The following VPS26B variants were observed in gnomAD, a reference collection of about 807,000 sequenced individuals.
VPS26B encodes VPS26 retromer complex component B, also known as vacuolar protein sorting-associated protein 26B.
A neutral mutation model predicts 33.3 loss-of-function variants in VPS26B; 10 were observed. The observed-to-expected ratio is 0.30, with a 90% confidence interval of 0.19 to 0.51. VPS26B has a LOEUF of 0.51. VPS26B is among the 20% of genes least tolerant of loss of function. The pLI, the probability that VPS26B is intolerant of heterozygous loss-of-function variation, is 0.98. For missense variants in VPS26B, 317 were observed against 452.7 expected, an observed-to-expected ratio of 0.70 and a Z score of 2.72; for synonymous variants, 190 against 176.9, an observed-to-expected ratio of 1.07 and a Z score of -0.59.
At chr11:134,237,122 A>G (rs762563484) in intron 2 of VPS26B, among the ~76,000 whole-genome samples, 3 of 152,224 alleles carry the variant, frequency 2.0e-5, no homozygotes, top group Non-Finnish European at 2.9e-5. Context: ...CTTATTACAC[A>G]GGCAGAGGGA....
At chr11:134,231,855 G>T (rs568752606) in intron 1 of VPS26B, among the ~76,000 whole-genome samples, 1 of 152,194 alleles carries the variant, frequency 6.6e-6, no homozygotes, top group Non-Finnish European at 1.5e-5. Flanking sequence ...GAACCACTAC[G>T]CCTGGCCTTT....
At chr11:134,228,789 A>T (rs1231467433) in intron 1 of VPS26B, among the ~76,000 whole-genome samples, 1 of 152,214 alleles carries the variant, frequency 6.6e-6, no homozygotes, top group Non-Finnish European at 1.5e-5. Flanking sequence ...GAGTTTGCTG[A>T]AGCTGCGGTC....
At position 134,235,033 on chromosome 11, in the gene VPS26B, A is replaced by G. The variant is rs760672439; in HGVS notation, c.360A>G (p.Thr120=). 1.3e-4 allele frequency: 216 copies of G among 1,613,670 alleles called. 1 individual carries two copies. The highest frequency in any genetic ancestry group is 1.8e-4 in the Non-Finnish European group (214 of 1,179,794). Residue 120 remains threonine (T), a synonymous_variant, in exon 2 of 6, where the codon ACA becomes ACG. Coordinates refer to ENST00000281187, the MANE Select transcript of VPS26B (RefSeq NM_052875.5). The part of the protein sequence containing the change: ...THVEKPYESY[T]GQNVKLRYFL... Reference sequence around the variant, plus strand: ...TGGAGAAGCCGTATGAGTCCTACACAGGGCAGAATGTGAAGCTACGGTAAG... The same window carrying G: ...TGGAGAAGCCGTATGAGTCCTACACGGGGCAGAATGTGAAGCTACGGTAAG...
At chr11:134,232,924 G>A (rs1431816771) in intron 1 of VPS26B, among the ~76,000 whole-genome samples, 1 of 152,166 alleles carries the variant, frequency 6.6e-6, no homozygotes, top group East Asian at 1.9e-4. Context: ...TGTCCCCGGG[G>A]CTGGCCGCGG....
intron 2 of VPS26B, chr11:134,239,592 A>T: frequency 5.0e-6 from 1 of 200,752 alleles, no homozygotes; most frequent in Non-Finnish European, 1.0e-5. Flanking sequence ...TTGCCCCAAA[A>T]GCCAGGAGTT....
chr11:134,234,647 G>A (rs951638445), intron 1 of VPS26B, among the ~76,000 whole-genome samples: 2 of 152,192 alleles, frequency 1.3e-5, no homozygotes, highest in Admixed American at 6.5e-5. Context: ...GTGTCCGAGT[G>A]TCTTGGAGCA....
intron 1 of VPS26B, among the ~76,000 whole-genome samples, chr11:134,231,685 C>T (rs1203057144): frequency 6.6e-6 from 1 of 152,166 alleles, no homozygotes; most frequent in Non-Finnish European, 1.5e-5. Context: ...CTGCCTCAGC[C>T]TCCCGAGTAG....
At position 134,234,988 on chromosome 11, in the gene VPS26B, C is replaced by T. The variant is rs148491878; in HGVS notation, c.315C>T (p.Phe105=). The change falls in exon 2 of 6, where the codon TTC becomes TTT. Residue 105 remains phenylalanine, a synonymous_variant. Coordinates refer to ENST00000281187, the MANE Select transcript of VPS26B (RefSeq NM_052875.5). ...RPGEITQSQA[F]DFEFTHVEKP... is the part of the protein sequence containing the mutation. The stretch of plus-strand genomic sequence containing the variant: ...GAGAGATCACCCAGTCGCAGGCCTT[C>T]GACTTTGAGTTTACCCACGTGGAGA... 254 of 1,614,122 alleles carry T rather than the reference C, an allele frequency of 1.6e-4. 4 individuals carry two copies. The South Asian group carries it at 2.4e-3, about 15-fold the overall frequency.
intron 4 of VPS26B, 165 bp downstream of exon 4, chr11:134,243,459 G>T: frequency 1.2e-6 from 1 of 823,920 alleles, no homozygotes; most frequent in African/African-American, 1.7e-5. Flanking sequence ...GGAAGAAAAG[G>T]AAGGCTGAGT....
In VPS26B at chr11:134,232,554, G is replaced by A. The variant is rs549155679; in HGVS notation, c.224-2343G>A. 3.9e-5 allele frequency among the ~76,000 whole-genome samples: 6 copies of A among 152,360 alleles called. No homozygotes were observed. The South Asian group carries it at 1.2e-3, about 32-fold the overall frequency. The stretch of plus-strand genomic sequence containing the variant: ...TGCTATGCAGGGAATGACTTCTCCT[G>A]CTCCAGGTGCCCTGCTGGGGCAGGC... On this transcript the variant is annotated intron_variant, in intron 1 of 5. Coordinates refer to ENST00000281187, the MANE Select transcript of VPS26B (RefSeq NM_052875.5).
chr11:134,237,656 G>A (rs1004556156), intron 2 of VPS26B, among the ~76,000 whole-genome samples: 6 of 152,092 alleles, frequency 3.9e-5, no homozygotes, highest in African/African-American at 1.4e-4. Context: ...AGGAGAGGGG[G>A]GTGAATCAGG....
At chr11:134,229,729 C>T (rs1041032536) in intron 1 of VPS26B, among the ~76,000 whole-genome samples, 5 of 152,202 alleles carry the variant, frequency 3.3e-5, no homozygotes, top group African/African-American at 1.2e-4. Flanking sequence ...CCTAAGTGGT[C>T]TTCCTGCCTT....
chr11:134,231,568 CTTT>C (rs1410570963), intron 1 of VPS26B, among the ~76,000 whole-genome samples: 1 of 141,438 alleles, frequency 7.1e-6, no homozygotes, highest in Non-Finnish European at 1.5e-5. Flanking sequence ...CTTTGGAGGG[CTTT>C]TTTTTTTTTT....
chr11:134,240,223 T>G lies in VPS26B; in HGVS notation c.545+68T>G. On this transcript the variant is annotated intron_variant, in intron 3 of 5. Coordinates refer to ENST00000281187, the MANE Select transcript of VPS26B (RefSeq NM_052875.5). This position sits in a 1 kb window ranked among gnomAD's most constrained non-coding sequence, Gnocchi z 4.4. ...AGGTTAAGATGGGACTTGATGCAGA[T>G]GCAAACTGATGACCCTCTGTGACTC... The G allele has an allele frequency of 6.5e-7, 1 of 1,542,134 alleles. No homozygotes were observed. Among genetic ancestry groups the G allele is most frequent in the African/African-American group, 1.4e-5 (1 of 73,750 alleles).
At position 134,235,053 on chromosome 11, in the gene VPS26B, G is replaced by A. The variant is rs997239900; in HGVS notation, c.380G>A (p.Arg127His). ...ESYTGQNVKLRYFLRATISRR... is the reference protein window; with the variant it reads ...ESYTGQNVKLHYFLRATISRR... ...TACACAGGGCAGAATGTGAAGCTAC[G>A]GTAAGTGATGTCTGCTGGTTCCCCA... Residue 127 changes from arginine to histidine, a missense_variant and splice_region_variant, in exon 2 of 6, where the codon CGC becomes CAC. Arg to His is a conservative substitution (Grantham distance 29). Transcript: ENST00000281187. 3.1e-6 allele frequency: 5 copies of A among 1,613,218 alleles called. No homozygotes were observed. The highest frequency in any genetic ancestry group is 4.2e-6 in the Non-Finnish European group (5 of 1,179,522).
chr11:134,244,900 C>T lies in VPS26B; in HGVS notation c.722-38C>T. On this transcript the variant is annotated intron_variant, in intron 4 of 5. Transcript: ENST00000281187. This position sits in a 1 kb window ranked among gnomAD's most constrained non-coding sequence, Gnocchi z 4.0. ...ACCTGGTATAAGGGAGAGGGCATCA[C>T]CTTGCCCCCTGTGCTGACTCCTGCC... 4 of 1,601,824 alleles carry T rather than the reference C, an allele frequency of 2.5e-6. No individual in the cohort carries two copies. Among genetic ancestry groups the T allele is most frequent in the Non-Finnish European group, 3.4e-6 (4 of 1,177,198 alleles).
chr11:134,240,259 T>C lies in VPS26B; in HGVS notation c.545+104T>C. On this transcript the variant is annotated intron_variant, in intron 3 of 5. Coordinates refer to ENST00000281187, the MANE Select transcript of VPS26B (RefSeq NM_052875.5). This position sits in a 1 kb window ranked among gnomAD's most constrained non-coding sequence, Gnocchi z 4.4. ...GACCCTCTGTGACTCGACTGCTTTGTGGTGGCATGCGGTGGGGGAAGACCG... is the reference window on the plus strand; with the variant it reads ...GACCCTCTGTGACTCGACTGCTTTGCGGTGGCATGCGGTGGGGGAAGACCG... The C allele has an allele frequency of 7.4e-7, 1 of 1,350,142 alleles. No homozygotes were observed. The highest frequency in any genetic ancestry group is 1.3e-5 in the South Asian group (1 of 78,544). The allele number at this position is 1,350,142 out of a possible 1,614,324, so 83.6% of individuals were successfully genotyped here. A position where few individuals can be genotyped will look rare whatever the true frequency, so the allele number is the denominator to read the frequency against.
intron 2 of VPS26B, among the ~76,000 whole-genome samples, chr11:134,237,530 G>T (rs1565357260): frequency 6.6e-6 from 1 of 152,192 alleles, no homozygotes; most frequent in Non-Finnish European, 1.5e-5. Context: ...GGACAGAGGG[G>T]ACACTTAGAA....
intron 1 of VPS26B, among the ~76,000 whole-genome samples, chr11:134,230,710 C>T (rs1415938994): frequency 6.6e-6 from 1 of 152,242 alleles, no homozygotes; most frequent in African/African-American, 2.4e-5. Flanking sequence ...GTTGTCAAAC[C>T]TCTGGCCCGT....
Sources: gnomAD v4.1 joint callset for allele counts (sites outside exome capture counted in the v4.1 genomes callset) on GRCh38, gnomAD v4.1.1 for gene constraint, Gnocchi (gnomAD v3.1) non-coding constraint, MANE v1.5 for transcripts, NCBI Gene and HGNC (gene_info 2026-07-23, HGNC 2026-07-21) for gene names.